CD8B2: variants seen among roughly 807,000 people sequenced by gnomAD.
The protein encoded by CD8B2 is T-cell surface glycoprotein CD8 beta-2 chain.
In CD8B2, 11 loss-of-function variants were observed where a neutral mutation model predicts 23.7. The observed-to-expected ratio is 0.46, with a 90% CI of 0.29 to 0.77. The LOEUF is 0.77. CD8B2 is among the 30% of genes least tolerant of loss of function. The pLI is 0.09. For missense variants in CD8B2, 197 were observed against 270.5 expected (o/e 0.73, Z 1.91); for synonymous variants, 90 against 109.3 (o/e 0.82, Z 1.10).
At chr2:106,491,702 C>G (rs906249146) in intron 2 of CD8B2, among the ~76,000 whole-genome samples, 11 of 152,258 alleles carry the variant, frequency 7.2e-5, no homozygotes, top group Middle Eastern at 3.4e-3. Flanking sequence ...CATGAGCCAC[C>G]ACACCTGGCT....
intron 5 of CD8B2, among the ~76,000 whole-genome samples, chr2:106,519,663 C>T (rs778643525): frequency 4.6e-5 from 7 of 152,208 alleles, no homozygotes; most frequent in South Asian, 2.1e-4. Context: ...AGTGCTTCCC[C>T]GTCCACCTTC....
intron 5 of CD8B2, chr2:106,543,303 G>A (rs1680205856): frequency 6.6e-6 from 1 of 152,174 alleles, no homozygotes; most frequent in Admixed American, 6.5e-5. Flanking sequence ...CTCCTGGGAA[G>A]ATCGTTTGAA....
intron 5 of CD8B2, among the ~76,000 whole-genome samples, chr2:106,539,394 T>C (rs1227670848): frequency 1.3e-5 from 2 of 152,214 alleles, no homozygotes; most frequent in Non-Finnish European, 2.9e-5. Flanking sequence ...TTCTAAAATT[T>C]AGAGAACTAC....
chr2:106,512,903 C>T (rs954263989), downstream of CD8B2, among the ~76,000 whole-genome samples: 4 of 152,188 alleles, frequency 2.6e-5, no homozygotes, highest in African/African-American at 9.6e-5. Context: ...GGCCTCAGTT[C>T]CCTCCCTAGT....
At chr2:106,543,179 G>C (rs530612212) in intron 5 of CD8B2, 30 of 152,278 alleles carry the variant, frequency 2.0e-4, no homozygotes, top group African/African-American at 7.0e-4. Context: ...GCCGGGAACT[G>C]CCTTACCTGC....
intron 5 of CD8B2, among the ~76,000 whole-genome samples, chr2:106,540,718 C>A (rs7565019): frequency 0.51 from 77,609 of 151,784 alleles, 20,227 homozygotes; most frequent in Non-Finnish European, 0.54. Flanking sequence ...GCGCCTACCA[C>A]CACGCCAGGC....
intron 5 of CD8B2, among the ~76,000 whole-genome samples, chr2:106,542,685 A>C (rs537016509): frequency 6.8e-6 from 1 of 148,062 alleles, no homozygotes; most frequent in Non-Finnish European, 1.5e-5. Context: ...TATATATTAT[A>C]TATGAAATAT....
At chr2:106,541,330 G>A (rs993934559) in intron 5 of CD8B2, among the ~76,000 whole-genome samples, 9 of 152,150 alleles carry the variant, frequency 5.9e-5, no homozygotes, top group East Asian at 3.9e-4. Flanking sequence ...GAGGTCAAAC[G>A]TCCTCTTCCC....
At chr2:106,490,286 T>C (rs1375331805) in intron 1 of CD8B2, among the ~76,000 whole-genome samples, 1 of 152,142 alleles carries the variant, frequency 6.6e-6, no homozygotes, top group Admixed American at 6.5e-5. Flanking sequence ...GTTTGACTCC[T>C]AGGCCACTTA....
chr2:106,523,639 AGGT>A (rs1253739736), intron 5 of CD8B2, among the ~76,000 whole-genome samples: 1 of 152,202 alleles, frequency 6.6e-6, no homozygotes, highest in Non-Finnish European at 1.5e-5. Flanking sequence ...AGTTTGGTCT[AGGT>A]CCTGTTGCTC....
intron 3 of CD8B2, among the ~76,000 whole-genome samples, chr2:106,499,646 G>C (rs951587676): frequency 6.6e-6 from 1 of 151,930 alleles, no homozygotes. Flanking sequence ...TTGGGCGACC[G>C]TTACCGTAAT....
chr2:106,532,634 G>A (rs915187258), intron 5 of CD8B2, among the ~76,000 whole-genome samples: 2 of 152,144 alleles, frequency 1.3e-5, no homozygotes, highest in Non-Finnish European at 2.9e-5. Context: ...AAAAGGGGTG[G>A]GCAATTCCTG....
At chr2:106,519,519 TG>T (rs1477593232) in intron 5 of CD8B2, among the ~76,000 whole-genome samples, 1 of 152,184 alleles carries the variant, frequency 6.6e-6, no homozygotes, top group Non-Finnish European at 1.5e-5. Flanking sequence ...TGTGGCCTGA[TG>T]GAGAGCGTTC....
chr2:106,491,643 G>A (rs1310325192), intron 2 of CD8B2, among the ~76,000 whole-genome samples: 2 of 152,124 alleles, frequency 1.3e-5, no homozygotes, highest in African/African-American at 2.4e-5. Flanking sequence ...TGCTTCCTGG[G>A]TTCAAGTGAT....
At chr2:106,530,710 A>G (rs1038672037) in intron 5 of CD8B2, among the ~76,000 whole-genome samples, 2 of 152,166 alleles carry the variant, frequency 1.3e-5, no homozygotes, top group Non-Finnish European at 1.5e-5. Context: ...TGGTTAAGGC[A>G]TCTAAGTCAC....
At chr2:106,537,483 A>G (rs1680107598) in intron 5 of CD8B2, among the ~76,000 whole-genome samples, 5 of 152,164 alleles carry the variant, frequency 3.3e-5, no homozygotes, top group Admixed American at 3.3e-4. Flanking sequence ...CTTAATTTTA[A>G]GTACAGTATG....
At chr2:106,514,795 G>A (rs1427047361), downstream of CD8B2, among the ~76,000 whole-genome samples, 2 of 150,598 alleles carry the variant, frequency 1.3e-5, no homozygotes, top group East Asian at 2.0e-4. Flanking sequence ...TGATTCACAC[G>A]TTCTCATTTC....
chr2:106,528,377 A>AT (rs977143212), intron 5 of CD8B2, among the ~76,000 whole-genome samples: 174 of 147,586 alleles, frequency 1.2e-3, no homozygotes, highest in Non-Finnish European at 2.0e-3. Flanking sequence ...TTATTTCCTC[A>AT]TTTTTTTTTT....
chr2:106,536,562 C>A (rs1483177364), intron 5 of CD8B2, among the ~76,000 whole-genome samples: 5 of 152,182 alleles, frequency 3.3e-5, no homozygotes, highest in African/African-American at 1.2e-4. Flanking sequence ...ACTTTAGATT[C>A]TTACTGTGAC....
Sources: allele counts gnomAD v4.1 joint callset (sites outside exome capture counted in the v4.1 genomes callset), GRCh38; gene constraint gnomAD v4.1.1; transcripts MANE v1.5; gene names NCBI Gene and HGNC (gene_info 2026-07-23, HGNC 2026-07-21).